The following CHCHD6 variants were observed in gnomAD, a reference collection of about 807,000 sequenced individuals.
CHCHD6 encodes coiled-coil-helix-coiled-coil-helix domain containing 6.
A neutral mutation model predicts 32.3 loss-of-function variants in CHCHD6; 28 were observed. The ratio of observed to expected loss-of-function variants is 0.87; its 90% CI spans 0.64 to 1.19. The LOEUF is 1.19. CHCHD6 is among the 50% of genes most tolerant of loss of function. The pLI, the probability that CHCHD6 is intolerant of heterozygous loss-of-function variation, is 0.00. For synonymous variants in CHCHD6, 122 were observed against 117.5 expected, an observed-to-expected ratio of 1.04 and a Z score of -0.25; for missense variants, 333 against 307.0, an observed-to-expected ratio of 1.08 and a Z score of -0.63.
At chr3:126,835,630 C>T (rs1576473122) in intron 4 of CHCHD6, among the ~76,000 whole-genome samples, 1 of 152,210 alleles carries the variant, frequency 6.6e-6, no homozygotes, top group African/African-American at 2.4e-5. Context: ...CATGTTTGAG[C>T]AACTTCTCTG....
chr3:126,781,151 A>G lies in CHCHD6; in HGVS notation c.411+47929A>G, dbSNP rs558657700. ...TTCCTGAGATCAGAGGCATGAAGTA[A>G]ATGCCTACAAAACTAGGACTCCACT... On this transcript the variant is annotated intron_variant, in intron 4 of 7. Transcript: ENST00000290913. 2.0e-5 allele frequency among the ~76,000 whole-genome samples: 3 copies of G among 152,258 alleles called. No homozygotes were observed. The East Asian group carries it at 5.8e-4, about 29-fold the overall frequency.
chr3:126,793,338 G>A (rs1938638770), intron 4 of CHCHD6, among the ~76,000 whole-genome samples: 1 of 151,896 alleles, frequency 6.6e-6, no homozygotes, highest in African/African-American at 2.4e-5. Context: ...TGAACATTTT[G>A]TAGTATTTTG....
At chr3:126,723,208 T>G (rs1177302586) in intron 1 of CHCHD6, among the ~76,000 whole-genome samples, 4 of 152,114 alleles carry the variant, frequency 2.6e-5, no homozygotes, top group African/African-American at 9.7e-5. Flanking sequence ...TGATTGTATA[T>G]ATCTTAAATA....
chr3:126,948,441 G>A (rs547381963), intron 6 of CHCHD6, among the ~76,000 whole-genome samples: 1 of 152,304 alleles, frequency 6.6e-6, no homozygotes, highest in African/African-American at 2.4e-5. Context: ...TCCTCCCTGT[G>A]TTGTGGTCTC....
chr3:126,719,424 C>T (rs1214637899), intron 1 of CHCHD6, among the ~76,000 whole-genome samples: 7 of 152,310 alleles, frequency 4.6e-5, no homozygotes, highest in Middle Eastern at 3.4e-3. Flanking sequence ...TTATGATAGC[C>T]GTTTCTTCTT....
intron 5 of CHCHD6, among the ~76,000 whole-genome samples, chr3:126,892,251 C>T (rs772417916): frequency 1.3e-5 from 2 of 152,190 alleles, no homozygotes; most frequent in Non-Finnish European, 2.9e-5. Flanking sequence ...GAGTCTCTCT[C>T]ATGAGAGCTG....
rs73203682 is a variant in CHCHD6, at chr3:126,852,353, G to C, written c.412-294G>C. ...TCATGATGATCCCACCTGCCCTTTA[G>C]AAGTGTGGTAAGGATCAAAGGAAAT... On this transcript the variant is annotated intron_variant, in intron 4 of 7. Coordinates refer to ENST00000290913, the MANE Select transcript of CHCHD6 (RefSeq NM_032343.3). Among the ~76,000 whole-genome samples the C allele has an allele frequency of 7.8e-3, 1,195 of 152,276 alleles. 9 individuals are homozygous for C. The highest frequency in any genetic ancestry group is 0.014 in the Middle Eastern group (4 of 294).
At chr3:126,728,507 A>G (rs1935643646) in intron 2 of CHCHD6, among the ~76,000 whole-genome samples, 1 of 152,064 alleles carries the variant, frequency 6.6e-6, no homozygotes, top group African/African-American at 2.4e-5. Context: ...AATATCTACC[A>G]CTGTAGGGGA....
chr3:126,852,836 C>T (rs2166909), intron 5 of CHCHD6, 106 bp downstream of exon 5: 95,262 of 738,398 alleles, frequency 0.13, 7,443 homozygotes, highest in South Asian at 0.27. Context: ...ACCCAGTGCC[C>T]ATTCGCCCAG....
intron 6 of CHCHD6, among the ~76,000 whole-genome samples, chr3:126,935,715 T>A (rs139901484): frequency 1.3e-5 from 2 of 152,222 alleles, no homozygotes; most frequent in African/African-American, 4.8e-5. Flanking sequence ...GATGTACAAT[T>A]TCCACGCAGT....
chr3:126,868,397 A>G (rs1007133643), intron 5 of CHCHD6, among the ~76,000 whole-genome samples: 3 of 151,808 alleles, frequency 2.0e-5, no homozygotes, highest in African/African-American at 4.8e-5. Context: ...GAATTACCCA[A>G]CCATCTGCTT....
intron 7 of CHCHD6, among the ~76,000 whole-genome samples, chr3:126,959,657 G>T (rs1201285708): frequency 6.6e-6 from 1 of 152,188 alleles, no homozygotes; most frequent in African/African-American, 2.4e-5. Context: ...GGGCAGGTAG[G>T]TGATGCCTAG....
At chr3:126,887,850 A>C (rs963600462) in intron 5 of CHCHD6, among the ~76,000 whole-genome samples, 2 of 152,244 alleles carry the variant, frequency 1.3e-5, no homozygotes, top group Non-Finnish European at 2.9e-5. Flanking sequence ...TCACGGACAC[A>C]GAACATCTGG....
chr3:126,764,659 G>A (rs1322894083), intron 4 of CHCHD6, among the ~76,000 whole-genome samples: 1 of 152,180 alleles, frequency 6.6e-6, no homozygotes, highest in Non-Finnish European at 1.5e-5. Context: ...GACTTCGGGT[G>A]CTGCGTCCTC....
chr3:126,791,898 A>G (rs1938565021), intron 4 of CHCHD6, among the ~76,000 whole-genome samples: 1 of 152,242 alleles, frequency 6.6e-6, no homozygotes, highest in Non-Finnish European at 1.5e-5. Flanking sequence ...GGCATGAGCC[A>G]CCATGCTGGC....
intron 4 of CHCHD6, among the ~76,000 whole-genome samples, chr3:126,738,372 G>A (rs1936145102): frequency 6.6e-6 from 1 of 152,164 alleles, no homozygotes; most frequent in Non-Finnish European, 1.5e-5. Context: ...GTGGCCGACT[G>A]TATCATGACT....
At chr3:126,758,595 T>C (rs532161341) in intron 4 of CHCHD6, among the ~76,000 whole-genome samples, 1 of 152,346 alleles carries the variant, frequency 6.6e-6, no homozygotes, top group Non-Finnish European at 1.5e-5. Context: ...TAACTTAAGA[T>C]AATGGGTTTT....
In CHCHD6 at chr3:126,959,050, C is replaced by A. The variant is rs370733884; in HGVS notation, c.703-1146C>A. 4.7e-4 allele frequency among the ~76,000 whole-genome samples: 72 copies of A among 152,346 alleles called. 1 individual carries two copies. In the South Asian group the frequency reaches 0.015, roughly 31 times the overall value. On this transcript the variant is annotated intron_variant, in intron 7 of 7. Coordinates refer to ENST00000290913, the MANE Select transcript of CHCHD6 (RefSeq NM_032343.3). ...CCCTAGACTCCATCCTCTCTCCATCCAGCCCCACCTCTGTGGTAGTTTTCA... is the reference window on the plus strand; with the variant it reads ...CCCTAGACTCCATCCTCTCTCCATCAAGCCCCACCTCTGTGGTAGTTTTCA...
rs138806667 is a variant in CHCHD6, at chr3:126,752,486, C to T, written c.411+19264C>T. Among the ~76,000 whole-genome samples the T allele has an allele frequency of 4.6e-5, 7 of 152,352 alleles. No homozygotes were observed. The East Asian group carries it at 1.3e-3, about 29-fold the overall frequency. On this transcript the variant is annotated intron_variant, in intron 4 of 7. Coordinates refer to ENST00000290913, the MANE Select transcript of CHCHD6 (RefSeq NM_032343.3). ...CTTGGGCAGGGTGGGGAGAAGGCCCCTTCCCCCGATGTCATCCTCTGAGGG... is the reference window on the plus strand; with the variant it reads ...CTTGGGCAGGGTGGGGAGAAGGCCCTTTCCCCCGATGTCATCCTCTGAGGG...
Sources: allele counts gnomAD v4.1 joint callset (sites outside exome capture counted in the v4.1 genomes callset), GRCh38; gene constraint gnomAD v4.1.1; transcripts MANE v1.5; gene names NCBI Gene and HGNC (gene_info 2026-07-23, HGNC 2026-07-21).